The following SYTL3 variants were observed in gnomAD, a reference collection of about 807,000 sequenced individuals.
SYTL3 encodes the protein synaptotagmin like 3.
Under a neutral mutation model 82.1 loss-of-function variants are expected in SYTL3, and 88 were observed. The ratio of observed to expected loss-of-function variants is 1.07; its 90% CI spans 0.90 to 1.28. SYTL3 has a LOEUF of 1.28. Ranked by LOEUF, SYTL3 falls within the 50% of genes most tolerant of loss-of-function variation. The pLI, the probability that SYTL3 is intolerant of heterozygous loss-of-function variation, is 0.00. For synonymous variants in SYTL3, 311 were observed against 289.4 expected, an observed-to-expected ratio of 1.07 and a Z score of -0.76; for missense variants, 831 against 757.6, an observed-to-expected ratio of 1.10 and a Z score of -1.14.
intron 2 of SYTL3, among the ~76,000 whole-genome samples, chr6:158,659,723 C>A (rs1023423506): frequency 6.6e-6 from 1 of 152,214 alleles, no homozygotes; most frequent in African/African-American, 2.4e-5. Flanking sequence ...AAGCTATAGA[C>A]AGCATCTTGA....
chr6:158,751,952 C>T lies in SYTL3; in HGVS notation c.1059C>T (p.Pro353=), dbSNP rs376737175. Residue 353 remains proline (P), a synonymous_variant, in exon 13 of 18, where the codon CCC becomes CCT. Transcript: ENST00000611299. The stretch of plus-strand genomic sequence containing the variant: ...GGTATGTGAAGACCTACCTGTTGCC[C>T]GACAGATCCTCCCAGGGAAAGCGCA... The part of the protein sequence containing the change: ...CNPYVKTYLL[P]DRSSQGKRKT... 56 of 1,599,594 alleles carry T rather than the reference C, an allele frequency of 3.5e-5. No individual in the cohort carries two copies. Among genetic ancestry groups the T allele is most frequent in the African/African-American group, 2.7e-4 (20 of 74,122 alleles).
At chr6:158,761,798 G>A (rs377141510) in intron 15 of SYTL3, among the ~76,000 whole-genome samples, 9 of 152,124 alleles carry the variant, frequency 5.9e-5, no homozygotes, top group Non-Finnish European at 1.2e-4. Context: ...CTCAAACTTC[G>A]GCATCTTCCC....
Position 158,764,536 on chromosome 6 carries a change from A to G in SYTL3, c.1765A>G (p.Lys589Glu), listed in dbSNP as rs2128559669. Residue 589 changes from lysine (K) to glutamate (E), a missense_variant, in exon 18 of 18, where the codon AAG becomes GAG. Physicochemically the swap from Lys to Glu is moderately conservative, Grantham distance 56. Coordinates refer to ENST00000611299, the MANE Select transcript of SYTL3 (RefSeq NM_001242394.2). The stretch of plus-strand genomic sequence containing the variant: ...TGGCGGGGATGCATGCTCACTATCG[A>G]AGCTCCAGTGGCAGAAAGTCCTTTC... Reference protein sequence around the residue: ...AVGGDACSLSKLQWQKVLSSP... With the variant: ...AVGGDACSLSELQWQKVLSSP... 6.2e-7 allele frequency: 1 copy of G among 1,614,082 alleles called. No individual in the cohort carries two copies. The highest frequency in any genetic ancestry group is 1.7e-5 in the Admixed American group (1 of 60,030).
intron 6 of SYTL3, among the ~76,000 whole-genome samples, chr6:158,704,880 T>C (rs1309297400): frequency 2.1e-4 from 19 of 91,902 alleles, no homozygotes; most frequent in African/African-American, 2.6e-4. Flanking sequence ...CAGTGAGGGC[T>C]GTAAGGCCAC....
intron 2 of SYTL3, among the ~76,000 whole-genome samples, chr6:158,658,141 C>G (rs561385963): frequency 1.3e-5 from 2 of 152,204 alleles, no homozygotes; most frequent in African/African-American, 4.8e-5. Flanking sequence ...ATCCGCCTGC[C>G]TCAGCCTCCC....
At chr6:158,651,874 C>T (rs1455598852) in intron 2 of SYTL3, 32 bp downstream of exon 2, 1 of 151,554 alleles carries the variant, frequency 6.6e-6, no homozygotes, top group Non-Finnish European at 1.5e-5. Flanking sequence ...TTCAAGCCCA[C>T]GTGTGAGTCT....
intron 10 of SYTL3, among the ~76,000 whole-genome samples, chr6:158,718,839 G>A (rs1372099745): frequency 6.6e-6 from 1 of 152,222 alleles, no homozygotes; most frequent in Non-Finnish European, 1.5e-5. Context: ...CTGGGCAGGT[G>A]CCACCAGCTG....
intron 11 of SYTL3, among the ~76,000 whole-genome samples, chr6:158,738,383 G>A (rs193138450): frequency 5.9e-5 from 9 of 152,192 alleles, no homozygotes; most frequent in Admixed American, 2.6e-4. Context: ...CAATCCTCCT[G>A]ATAGCAAAAT....
At chr6:158,680,458 G>A (rs745498898) in intron 5 of SYTL3, among the ~76,000 whole-genome samples, 1 of 151,648 alleles carries the variant, frequency 6.6e-6, no homozygotes, top group Non-Finnish European at 1.5e-5. Context: ...TCTGTTATAG[G>A]CCAGATGCTG....
intron 3 of SYTL3, among the ~76,000 whole-genome samples, chr6:158,662,282 T>G (rs1789466935): frequency 6.6e-6 from 1 of 152,250 alleles, no homozygotes; most frequent in Non-Finnish European, 1.5e-5. Flanking sequence ...ATGCAGAACC[T>G]TTCAGCTGTC....
intron 6 of SYTL3, among the ~76,000 whole-genome samples, chr6:158,695,572 C>CT (rs1195704373): frequency 6.6e-6 from 1 of 152,164 alleles, no homozygotes; most frequent in Non-Finnish European, 1.5e-5. Flanking sequence ...ATTTTAGCCA[C>CT]TTTTAAGCAT....
intron 5 of SYTL3, among the ~76,000 whole-genome samples, chr6:158,670,935 TGGGACTACA>T (rs1463335934): frequency 2.0e-5 from 3 of 151,766 alleles, no homozygotes; most frequent in Non-Finnish European, 2.9e-5. Context: ...CCCAAATAGC[TGGGACTACA>T]GGCGCCCACC....
intron 12 of SYTL3, among the ~76,000 whole-genome samples, chr6:158,750,300 G>A (rs1256501919): frequency 2.0e-5 from 3 of 152,150 alleles, no homozygotes; most frequent in Admixed American, 1.3e-4. Context: ...ACCTGGTTAC[G>A]GGCAGGACTG....
rs6906590 is a variant in SYTL3, at chr6:158,735,493, C to T, written c.855+9856C>T. Among the ~76,000 whole-genome samples, 1,363 of 152,218 alleles carry T rather than the reference C, an allele frequency of 9.0e-3. 13 individuals are homozygous for T. The highest frequency in any genetic ancestry group is 0.03 in the African/African-American group (1,259 of 41,530). Reference sequence around the variant, plus strand: ...CTATGCATTGAATCGTAACCTGTTCCCTTTAGGCTGAAGCAGCATTTATTT... The same window carrying T: ...CTATGCATTGAATCGTAACCTGTTCTCTTTAGGCTGAAGCAGCATTTATTT... On this transcript the variant is annotated intron_variant, in intron 11 of 17. Transcript: ENST00000611299.
At position 158,725,514 on chromosome 6, in the gene SYTL3, A is replaced by C; in HGVS notation, c.732A>C (p.Ala244=). The C allele has an allele frequency of 6.2e-7, 1 of 1,614,080 alleles. No individual in the cohort carries two copies. The highest frequency in any genetic ancestry group is 1.1e-5 in the South Asian group (1 of 91,062). The change falls in exon 11 of 18, where the codon GCA becomes GCC. Residue 244 remains alanine, a synonymous_variant. Transcript: ENST00000611299. ...TTTTCCTTCTCCAGAAGGTCAGTGC[A>C]CCAGATATTCTGAAACCTCTCAATC... ...AVNVTTRKVS[A]PDILKPLNQE...
rs200828153 is a variant in SYTL3, at chr6:158,751,966, A to G, written c.1073A>G (p.Gln358Arg). The G allele has an allele frequency of 1.2e-5, 19 of 1,602,956 alleles. No individual in the cohort carries two copies. Among genetic ancestry groups the G allele is most frequent in the Admixed American group, 3.4e-5 (2 of 58,280 alleles). ...TACCTGTTGCCCGACAGATCCTCCC[A>G]GGGAAAGCGCAAGACTGGAGTCCAA... ...KTYLLPDRSS[Q>R]GKRKTGVQRN... Residue 358 changes from glutamine (Q) to arginine (R), a missense_variant, in exon 13 of 18, where the codon CAG becomes CGG. Gln to Arg is a conservative substitution (Grantham distance 43). Coordinates refer to ENST00000611299, the MANE Select transcript of SYTL3 (RefSeq NM_001242394.2).
intron 6 of SYTL3, among the ~76,000 whole-genome samples, chr6:158,697,026 A>G (rs1332639099): frequency 6.6e-6 from 1 of 151,634 alleles, no homozygotes; most frequent in Non-Finnish European, 1.5e-5. Flanking sequence ...TAGTTACCTT[A>G]TTTCACTTAG....
At chr6:158,758,976 C>G (rs891903271) in intron 14 of SYTL3, among the ~76,000 whole-genome samples, 4 of 152,324 alleles carry the variant, frequency 2.6e-5, no homozygotes, top group African/African-American at 4.8e-5. Context: ...CCTCTCACCC[C>G]CGCTCTGTCA....
Position 158,751,936 on chromosome 6 carries a change from A to G in SYTL3, c.1043A>G (p.Lys348Arg). The G allele has an allele frequency of 6.3e-7, 1 of 1,596,534 alleles. No homozygotes were observed. The highest frequency in any genetic ancestry group is 8.5e-7 in the Non-Finnish European group (1 of 1,171,938). The change falls in exon 13 of 18, where the codon AAG (lysine) becomes AGG (arginine). Residue 348 changes from lysine to arginine, a missense_variant. Physicochemically the swap from Lys to Arg is conservative, Grantham distance 26. Coordinates refer to ENST00000611299, the MANE Select transcript of SYTL3 (RefSeq NM_001242394.2). ...EKKKKCNPYV[K>R]TYLLPDRSSQ... Reference sequence around the variant, plus strand: ...CTGTGTTTGGCCCCTAGGTATGTGAAGACCTACCTGTTGCCCGACAGATCC... The same window carrying G: ...CTGTGTTTGGCCCCTAGGTATGTGAGGACCTACCTGTTGCCCGACAGATCC...
Sources: gnomAD v4.1 joint callset for allele counts (sites outside exome capture counted in the v4.1 genomes callset) on GRCh38, gnomAD v4.1.1 for gene constraint, MANE v1.5 for transcripts, NCBI Gene and HGNC (gene_info 2026-07-23, HGNC 2026-07-21) for gene names.